Variants in VAV3 observed in about 807,000 individuals in gnomAD.
The protein encoded by VAV3 is guanine nucleotide exchange factor VAV3.
Under a neutral mutation model 131.2 loss-of-function variants are expected in VAV3, and 94 were observed. That is an observed-to-expected ratio of 0.72 (90% confidence interval 0.61 to 0.85). VAV3 has a LOEUF of 0.85. Among genes scored for constraint, VAV3 ranks in the 40% least tolerant of loss-of-function variants. The pLI is 0.00. For missense variants in VAV3, 939 were observed against 1,002.7 expected (o/e 0.94, Z 0.86); for synonymous variants, 349 against 342.0 (o/e 1.02, Z -0.22).
At chr1:107,707,454 C>T (rs1348241560) in intron 15 of VAV3, among the ~76,000 whole-genome samples, 1 of 152,212 alleles carries the variant, frequency 6.6e-6, no homozygotes, top group African/African-American at 2.4e-5. Context: ...CTGCCTGACC[C>T]ATATTTGGTG....
At chr1:107,588,986 C>T (rs187602182) in intron 25 of VAV3, among the ~76,000 whole-genome samples, 5 of 152,292 alleles carry the variant, frequency 3.3e-5, no homozygotes, top group African/African-American at 7.2e-5. Context: ...AAAGGCAATA[C>T]AATTCATTGA....
intron 19 of VAV3, among the ~76,000 whole-genome samples, chr1:107,650,203 A>C (rs1656052963): frequency 6.6e-6 from 1 of 152,114 alleles, no homozygotes; most frequent in Admixed American, 6.6e-5. Context: ...TAAACTTGAT[A>C]ATAGGCAGTC....
intron 2 of VAV3, among the ~76,000 whole-genome samples, chr1:107,797,216 A>C (rs181509415): frequency 6.6e-6 from 1 of 152,356 alleles, no homozygotes; most frequent in Non-Finnish European, 1.5e-5. Flanking sequence ...CAAGCAGTCT[A>C]ACATACAGTC....
At chr1:107,738,270 G>GT (rs1156709881) in intron 15 of VAV3, among the ~76,000 whole-genome samples, 1 of 152,100 alleles carries the variant, frequency 6.6e-6, no homozygotes, top group African/African-American at 2.4e-5. Context: ...GAATTAATGG[G>GT]TGCAGCAAAC....
intron 17 of VAV3, among the ~76,000 whole-genome samples, chr1:107,697,320 G>A (rs1043932020): frequency 6.6e-6 from 1 of 152,180 alleles, no homozygotes. Flanking sequence ...AATGAACTAT[G>A]AGCATTCGGT....
chr1:107,738,125 T>C (rs1662781607), intron 15 of VAV3, among the ~76,000 whole-genome samples: 1 of 152,150 alleles, frequency 6.6e-6, no homozygotes, highest in African/African-American at 2.4e-5. Flanking sequence ...AAACACCGCA[T>C]GTTCTCACTC....
Position 107,768,494 on chromosome 1 carries a change from G to GTGGT in VAV3, c.660_663dup (p.Leu222ThrfsTer12). The stretch of plus-strand genomic sequence containing the variant: ...TCTGCTGCTGTCAGAAATCTTTTTA[G>GTGGT]TGGTGCCATGAAATACTACCAGGAA... On this transcript the variant is annotated frameshift_variant, in exon 7 of 27. Coordinates refer to ENST00000370056, the MANE Select transcript of VAV3 (RefSeq NM_006113.5). LOFTEE classifies it high-confidence loss of function. 1 of 1,612,308 alleles carries GTGGT rather than the reference G, an allele frequency of 6.2e-7. No individual in the cohort carries two copies.
chr1:107,669,972 A>G (rs1657667329), intron 19 of VAV3, among the ~76,000 whole-genome samples: 1 of 152,226 alleles, frequency 6.6e-6, no homozygotes, highest in South Asian at 2.1e-4. Flanking sequence ...TGCACTTTTC[A>G]AAATTATATG....
At chr1:107,856,608 A>C (rs539072942) in intron 2 of VAV3, among the ~76,000 whole-genome samples, 3 of 152,306 alleles carry the variant, frequency 2.0e-5, no homozygotes, top group Admixed American at 6.5e-5. Flanking sequence ...AATTGATAGC[A>C]CTTTATTTTG....
intron 20 of VAV3, among the ~76,000 whole-genome samples, chr1:107,630,706 A>G (rs1412707847): frequency 6.6e-6 from 1 of 152,174 alleles, no homozygotes; most frequent in African/African-American, 2.4e-5. Flanking sequence ...ATATTTTAGG[A>G]TTCAAGCCAT....
rs1663570115 is a variant in VAV3, at chr1:107,749,484, G to A, written c.1370C>T (p.Thr457Ile). 6.2e-7 allele frequency: 1 copy of A among 1,602,558 alleles called. No individual in the cohort carries two copies. Among genetic ancestry groups the A allele is most frequent in the Non-Finnish European group, 8.5e-7 (1 of 1,177,174 alleles). ...CACCTTTTTGTTTTCTTTATCGGTT[G>A]TAGGATTATTGGCTATCTTGTACTG... ...LQQYKIANNP[T>I]TDKENKKWSY... is the part of the protein sequence containing the mutation. Residue 457 changes from threonine to isoleucine, a missense_variant, in exon 14 of 27, where the codon ACA becomes ATA. By Grantham distance (89) the Thr-to-Ile change is moderately conservative (BLOSUM62 -1). Coordinates refer to ENST00000370056, the MANE Select transcript of VAV3 (RefSeq NM_006113.5).
intron 25 of VAV3, among the ~76,000 whole-genome samples, chr1:107,579,791 C>T (rs1021677521): frequency 4.6e-5 from 7 of 152,204 alleles, no homozygotes; most frequent in Admixed American, 1.3e-4. Context: ...TCTTGTCTCT[C>T]TAATGAAATC....
intron 15 of VAV3, among the ~76,000 whole-genome samples, chr1:107,745,802 A>G (rs920609284): frequency 6.6e-6 from 1 of 152,214 alleles, no homozygotes; most frequent in African/African-American, 2.4e-5. Flanking sequence ...CAAGCATTTC[A>G]ACACTCTTAA....
intron 1 of VAV3, among the ~76,000 whole-genome samples, chr1:107,886,292 T>C (rs2101047986): frequency 6.6e-6 from 1 of 152,296 alleles, no homozygotes; most frequent in African/African-American, 2.4e-5. Context: ...TTCCATTCTA[T>C]CCATAATGAA....
intron 21 of VAV3, among the ~76,000 whole-genome samples, chr1:107,611,405 ATCAT>A (rs1462448198): frequency 1.3e-5 from 2 of 152,188 alleles, no homozygotes; most frequent in African/African-American, 2.4e-5. Context: ...ACCCATTCTA[ATCAT>A]TCAAATAGTT....
intron 20 of VAV3, among the ~76,000 whole-genome samples, chr1:107,625,313 C>T (rs746981726): frequency 1.3e-5 from 2 of 150,674 alleles, no homozygotes; most frequent in Non-Finnish European, 2.9e-5. Flanking sequence ...GGCTGGAGTG[C>T]AATGGCGCGA....
At chr1:107,748,572 ATC>A (rs1253297114) in intron 15 of VAV3, among the ~76,000 whole-genome samples, 1 of 152,224 alleles carries the variant, frequency 6.6e-6, no homozygotes, top group African/African-American at 2.4e-5. Context: ...GCATTTACAT[ATC>A]TGTTTGTGTA....
Position 107,909,762 on chromosome 1 carries a change from T to A in VAV3, c.205-34745A>T, listed in dbSNP as rs555845066. On this transcript the variant is annotated intron_variant, in intron 1 of 26. Transcript: ENST00000370056. The stretch of plus-strand genomic sequence containing the variant: ...TAAATATCATAATGTAATGCAGGTA[T>A]CCAGACTCTGCCATGTATAGATGTT... 7.5e-4 allele frequency among the ~76,000 whole-genome samples: 110 copies of A among 147,450 alleles called. 1 individual carries two copies. In the South Asian group the frequency reaches 0.011, roughly 15 times the overall value.
Position 107,705,055 on chromosome 1 carries a change from G to C in VAV3, c.1509C>G (p.Asn503Lys). ...TGGAGTCTGCATAGTCTGGTCTTAT[G>C]TTAGACCTAAAAAAAGGAAAAAAAT... The part of the protein sequence containing the change: ...WLEQFEMALS[N>K]IRPDYADSNF... The change falls in exon 16 of 27, where the codon AAC becomes AAG. Residue 503 changes from asparagine (N) to lysine (K), a missense_variant. Coordinates refer to ENST00000370056, the MANE Select transcript of VAV3 (RefSeq NM_006113.5). The C allele has an allele frequency of 6.2e-7, 1 of 1,604,638 alleles. No homozygotes were observed. The highest frequency in any genetic ancestry group is 8.5e-7 in the Non-Finnish European group (1 of 1,172,616).
Sources: allele counts gnomAD v4.1 joint callset (sites outside exome capture counted in the v4.1 genomes callset), GRCh38; gene constraint gnomAD v4.1.1; transcripts MANE v1.5; gene names NCBI Gene and HGNC (gene_info 2026-07-23, HGNC 2026-07-21).